Variants in MFHAS1 observed in about 807,000 individuals in gnomAD.
MFHAS1 encodes the protein malignant fibrous histiocytoma-amplified sequence 1.
MFHAS1 carries 50 observed loss-of-function variants against 70.4 expected under a neutral mutation model. The ratio of observed to expected loss-of-function variants is 0.71; its 90% CI spans 0.57 to 0.90. The LOEUF (loss-of-function observed/expected upper bound fraction) is 0.90, where lower values mean the gene tolerates loss of function less well. Among genes scored for constraint, MFHAS1 ranks in the 40% least tolerant of loss-of-function variants. The probability of loss-of-function intolerance (pLI) is 0.00; values close to 1 mark genes in which losing one functional copy is unlikely to be tolerated. For synonymous variants in MFHAS1, 952 were observed against 620.0 expected, an observed-to-expected ratio of 1.54 and a Z score of -7.96; for missense variants, 1,795 against 1,347.6, an observed-to-expected ratio of 1.33 and a Z score of -5.20.
At chr8:8,795,153 T>C (rs1805847634) in intron 2 of MFHAS1, among the ~76,000 whole-genome samples, 1 of 152,224 alleles carries the variant, frequency 6.6e-6, no homozygotes. Flanking sequence ...CTCTGTTTCA[T>C]ACCTTGCTGG....
intron 1 of MFHAS1, among the ~76,000 whole-genome samples, chr8:8,829,436 G>C (rs889364664): frequency 6.6e-6 from 1 of 152,190 alleles, no homozygotes. Context: ...ATCAGAGCAC[G>C]TTGGGAGGCC....
Position 8,784,683 on chromosome 8 carries a change from C to G in MFHAS1, c.*1339G>C, listed in dbSNP as rs775107566. The G allele has an allele frequency of 2.6e-5, 4 of 152,168 alleles. No homozygotes were observed. The highest frequency in any genetic ancestry group is 4.4e-5 in the Non-Finnish European group (3 of 68,030). The allele number at this position is 152,168 out of a possible 1,614,324, so 9.4% of individuals were successfully genotyped here. A position where few individuals can be genotyped will look rare whatever the true frequency, so the allele number is the denominator to read the frequency against. The stretch of plus-strand genomic sequence containing the variant: ...AGTACCAGCAACTCACTCTTCTTGT[C>G]TGAGGCTGGCGAGAAGCAGTCAGTT... On this transcript the variant is annotated 3_prime_UTR_variant, in exon 3 of 3. Transcript: ENST00000276282.
Position 8,892,152 on chromosome 8 carries a change from G to C in MFHAS1, c.907C>G (p.Leu303Val), listed in dbSNP as rs1416427933. The C allele has an allele frequency of 6.2e-7, 1 of 1,611,348 alleles. No individual in the cohort carries two copies. The highest frequency in any genetic ancestry group is 1.7e-5 in the Admixed American group (1 of 60,018). ...ACCGAGGTGAGCTGGTTGCGACTAA[G>C]GTAGAGCTCCTCCAGACCAGCCAGG... is the stretch of plus-strand genomic sequence containing the variant. ...LPLAGLEELYLSRNQLTSVPS... is the reference protein window; with the variant it reads ...LPLAGLEELYVSRNQLTSVPS... The change falls in exon 1 of 3, where the codon CTT becomes GTT. Residue 303 changes from leucine to valine, a missense_variant. Transcript: ENST00000276282. The surrounding 1 kb of genome is among the most constrained non-coding windows in gnomAD (Gnocchi z 4.7).
chr8:8,813,665 T>C (rs1194548635), intron 1 of MFHAS1, among the ~76,000 whole-genome samples: 3 of 152,212 alleles, frequency 2.0e-5, no homozygotes, highest in Non-Finnish European at 2.9e-5. Context: ...ACAATGTTTG[T>C]ATTTTAAGCT....
Position 8,893,189 on chromosome 8 carries a change from T to C in MFHAS1, c.-131A>G, listed in dbSNP as rs1265961856. On this transcript the variant is annotated 5_prime_UTR_variant, in exon 1 of 3. Coordinates refer to ENST00000276282, the MANE Select transcript of MFHAS1 (RefSeq NM_004225.3). ...CTCGGCGGCCGGCGGCCGCGGGTCC[T>C]AGCGCAGCCAGCGGCCGAGCGCTGG... 2 of 414,216 alleles carry C rather than the reference T, an allele frequency of 4.8e-6. No homozygotes were observed. Among genetic ancestry groups the C allele is most frequent in the Non-Finnish European group, 7.3e-6 (2 of 272,490 alleles). 25.7% of individuals were successfully genotyped at this position (414,216 alleles called of 1,614,324 possible).
Position 8,785,713 on chromosome 8 carries a change from C to G in MFHAS1, c.*309G>C, listed in dbSNP as rs1024850931. On this transcript the variant is annotated 3_prime_UTR_variant, in exon 3 of 3. Transcript: ENST00000276282. The stretch of plus-strand genomic sequence containing the variant: ...CTATGGCTTATATGTGCACGGAAAA[C>G]AAAATCCCTGAGAAGCCATTCGACT... 8.4e-6 allele frequency: 3 copies of G among 357,110 alleles called. No individual in the cohort carries two copies. The highest frequency in any genetic ancestry group is 6.2e-5 in the African/African-American group (3 of 48,670). 22.1% of individuals were successfully genotyped at this position (357,110 alleles called of 1,614,324 possible). A position where few individuals can be genotyped will look rare whatever the true frequency, so the allele number is the denominator to read the frequency against.
chr8:8,889,985 C>T, intron 1 of MFHAS1, 76 bp downstream of exon 1: 3 of 1,251,324 alleles, frequency 2.4e-6, no homozygotes, highest in Middle Eastern at 2.0e-4. Context: ...AAACATTCTG[C>T]CAAATGACAA....
chr8:8,892,055 G>A lies in MFHAS1; in HGVS notation c.1004C>T (p.Pro335Leu). The change falls in exon 1 of 3, where the codon CCG (proline) becomes CTG (leucine). Residue 335 changes from proline (P) to leucine (L), a missense_variant. By Grantham distance (98) the Pro-to-Leu change is moderately conservative. Coordinates refer to ENST00000276282, the MANE Select transcript of MFHAS1 (RefSeq NM_004225.3). The surrounding 1 kb of genome is among the most constrained non-coding windows in gnomAD (Gnocchi z 4.7). ...GCCGGTCAGCTCCACGATGGAGTCC[G>A]GCAGGTAGCGGATGCGGTTATTATC... ...WLDNNRIRYL[P>L]DSIVELTGLE... 6.2e-7 allele frequency: 1 copy of A among 1,613,424 alleles called. No homozygotes were observed. The highest frequency in any genetic ancestry group is 1.1e-5 in the South Asian group (1 of 91,084).
chr8:8,858,026 G>C (rs1330200006), intron 1 of MFHAS1, among the ~76,000 whole-genome samples: 1 of 152,174 alleles, frequency 6.6e-6, no homozygotes, highest in Admixed American at 6.5e-5. Context: ...AATGCTCTGA[G>C]ACAATGACTG....
At chr8:8,809,443 A>G (rs1425384220) in intron 1 of MFHAS1, among the ~76,000 whole-genome samples, 1 of 152,088 alleles carries the variant, frequency 6.6e-6, no homozygotes, top group Non-Finnish European at 1.5e-5. Context: ...AATGTGCACA[A>G]GGACTTACAC....
rs141909980 is a variant in MFHAS1 at position 8,840,461 on chromosome 8, C to CAA, written c.2999-42972_2999-42971dup. Reference sequence around the variant, plus strand: ...CACAGAGTGAGACTCCATCTCAATACAAAAAAAAAAAAAAAAAAAAAGAAT... The same window carrying CAA: ...CACAGAGTGAGACTCCATCTCAATACAAAAAAAAAAAAAAAAAAAAAAAGAAT... On this transcript the variant is annotated intron_variant, in intron 1 of 2. Coordinates refer to ENST00000276282, the MANE Select transcript of MFHAS1 (RefSeq NM_004225.3). Among the ~76,000 whole-genome samples, 47 of 82,106 alleles carry CAA rather than the reference C, an allele frequency of 5.7e-4. No homozygotes were observed. The Middle Eastern group carries it at 0.021, about 37-fold the overall frequency. The allele number at this position is 82,106 out of a possible 152,430, so 53.9% of individuals were successfully genotyped here.
chr8:8,845,565 AT>A (rs1808002035), intron 1 of MFHAS1, among the ~76,000 whole-genome samples: 1 of 152,180 alleles, frequency 6.6e-6, no homozygotes, highest in Non-Finnish European at 1.5e-5. Context: ...TGGGGGGCCC[AT>A]GGCAGGCTCC....
intron 1 of MFHAS1, among the ~76,000 whole-genome samples, chr8:8,844,296 C>G (rs1005231906): frequency 3.2e-4 from 48 of 152,168 alleles, no homozygotes; most frequent in African/African-American, 9.9e-4. Flanking sequence ...ATTACTATTT[C>G]TCTTTAAAAT....
intron 1 of MFHAS1, among the ~76,000 whole-genome samples, chr8:8,807,077 C>T (rs991690385): frequency 7.9e-5 from 12 of 152,012 alleles, no homozygotes; most frequent in Admixed American, 1.3e-4. Flanking sequence ...CACCTGAGCA[C>T]GCTGGGCGCT....
chr8:8,869,903 G>A (rs186219548), intron 1 of MFHAS1, among the ~76,000 whole-genome samples: 2 of 152,154 alleles, frequency 1.3e-5, no homozygotes, highest in Admixed American at 6.5e-5. Context: ...CTACCTGGGG[G>A]CCTCTATTGT....
chr8:8,845,970 G>C (rs1429855685), intron 1 of MFHAS1, among the ~76,000 whole-genome samples: 2 of 151,902 alleles, frequency 1.3e-5, no homozygotes, highest in Non-Finnish European at 2.9e-5. Context: ...TCTAGAAAAT[G>C]GGCCTGGCAC....
At chr8:8,834,181 A>G (rs1353512431) in intron 1 of MFHAS1, among the ~76,000 whole-genome samples, 1 of 152,180 alleles carries the variant, frequency 6.6e-6, no homozygotes, top group Middle Eastern at 3.2e-3. Flanking sequence ...GGAACAGACT[A>G]CTGTCACATG....
At chr8:8,850,345 A>G (rs907407116) in intron 1 of MFHAS1, among the ~76,000 whole-genome samples, 6 of 152,170 alleles carry the variant, frequency 3.9e-5, no homozygotes, top group African/African-American at 1.2e-4. Context: ...AATGTTTAAT[A>G]GCACTGATAC....
intron 1 of MFHAS1, among the ~76,000 whole-genome samples, chr8:8,885,549 C>A (rs559545285): frequency 6.6e-6 from 1 of 152,202 alleles, no homozygotes; most frequent in Non-Finnish European, 1.5e-5. Context: ...ACTGGTAGAA[C>A]AGAATAAAAG....
Sources: allele counts gnomAD v4.1 joint callset (sites outside exome capture counted in the v4.1 genomes callset), GRCh38; gene constraint gnomAD v4.1.1; non-coding constraint Gnocchi (gnomAD v3.1); transcripts MANE v1.5; gene names NCBI Gene and HGNC (gene_info 2026-07-23, HGNC 2026-07-21).